Variants in FCHSD2 observed in about 807,000 individuals in gnomAD.
FCHSD2 encodes F-BAR and double SH3 domains protein 2.
Under a neutral mutation model 108.1 loss-of-function variants are expected in FCHSD2, and 38 were observed. That is an observed-to-expected ratio of 0.35 (90% confidence interval 0.27 to 0.46). The LOEUF (loss-of-function observed/expected upper bound fraction) is 0.46. FCHSD2 is among the 20% of genes least tolerant of loss of function. The probability of loss-of-function intolerance (pLI) is 1.00; values close to 1 mark genes in which losing one functional copy is unlikely to be tolerated. For synonymous variants in FCHSD2, 279 were observed against 314.7 expected (o/e 0.89, Z 1.20); for missense variants, 751 against 897.8 (o/e 0.84, Z 2.09).
At chr11:72,984,591 T>G (rs1402131060) in intron 7 of FCHSD2, among the ~76,000 whole-genome samples, 1 of 152,212 alleles carries the variant, frequency 6.6e-6, no homozygotes, top group Non-Finnish European at 1.5e-5. Flanking sequence ...TCAGCACTCC[T>G]AATGTGCCAG....
chr11:73,078,632 C>T (rs139024112), intron 3 of FCHSD2, among the ~76,000 whole-genome samples: 289 of 144,208 alleles, frequency 2.0e-3, no homozygotes, highest in African/African-American at 6.9e-3. Context: ...AACAACTATT[C>T]TGATAAAAAA....
chr11:73,103,857 G>A (rs975583346), intron 2 of FCHSD2, among the ~76,000 whole-genome samples: 3 of 152,168 alleles, frequency 2.0e-5, no homozygotes, highest in Admixed American at 1.3e-4. Flanking sequence ...AAAGTCCCAT[G>A]AACCAAGCAA....
chr11:73,026,530 A>G (rs1307645200), intron 3 of FCHSD2, among the ~76,000 whole-genome samples: 1 of 152,230 alleles, frequency 6.6e-6, no homozygotes, highest in Non-Finnish European at 1.5e-5. Context: ...AATAATGTAG[A>G]ATATATAAAA....
chr11:72,968,808 A>G (rs1466387538), intron 8 of FCHSD2, among the ~76,000 whole-genome samples: 1 of 152,180 alleles, frequency 6.6e-6, no homozygotes, highest in African/African-American at 2.4e-5. Context: ...GCTTCTGTGT[A>G]CCCAAGGTTC....
chr11:72,986,010 G>A (rs754699152), intron 6 of FCHSD2, among the ~76,000 whole-genome samples: 18 of 152,150 alleles, frequency 1.2e-4, no homozygotes, highest in African/African-American at 1.7e-4. Flanking sequence ...GCCAGTTTGG[G>A]ACTGGATGAT....
At chr11:73,023,215 C>A (rs1858149304) in intron 3 of FCHSD2, among the ~76,000 whole-genome samples, 1 of 152,030 alleles carries the variant, frequency 6.6e-6, no homozygotes, top group Admixed American at 6.6e-5. Context: ...GAATTAAACT[C>A]TTTCTTCTGG....
intron 8 of FCHSD2, among the ~76,000 whole-genome samples, chr11:72,957,775 T>G (rs1041892332): frequency 6.6e-6 from 1 of 151,938 alleles, no homozygotes; most frequent in African/African-American, 2.4e-5. Flanking sequence ...TGCTCTCAAA[T>G]GGATCAGAAA....
chr11:72,878,102 G>T (rs1309139922), intron 12 of FCHSD2, among the ~76,000 whole-genome samples: 1 of 151,876 alleles, frequency 6.6e-6, no homozygotes. Context: ...TAAAATCAAA[G>T]AAATCAAATA....
At chr11:72,943,487 A>G (rs1393360928) in intron 8 of FCHSD2, among the ~76,000 whole-genome samples, 1 of 152,222 alleles carries the variant, frequency 6.6e-6, no homozygotes, top group Non-Finnish European at 1.5e-5. Flanking sequence ...TTATGGGAAA[A>G]CAGTAAATGT....
chr11:72,896,417 G>A lies in FCHSD2; in HGVS notation c.924+6126C>T, dbSNP rs1855418664. On this transcript the variant is annotated intron_variant, in intron 10 of 19. Transcript: ENST00000409418. Reference sequence around the variant, plus strand: ...CAGCTTCGCTTTGTCCTTTTTCACAGGATGTGAGAAAATGCCCCTAATGGC... The same window carrying A: ...CAGCTTCGCTTTGTCCTTTTTCACAAGATGTGAGAAAATGCCCCTAATGGC... 3.9e-5 allele frequency among the ~76,000 whole-genome samples: 6 copies of A among 152,168 alleles called. No individual in the cohort carries two copies. The South Asian group carries it at 1.0e-3, about 26-fold the overall frequency.
chr11:73,054,663 A>T (rs1196567068), intron 3 of FCHSD2, among the ~76,000 whole-genome samples: 1 of 151,864 alleles, frequency 6.6e-6, no homozygotes, highest in East Asian at 1.9e-4. Flanking sequence ...AAAGAGAGAA[A>T]GGACCTTTTC....
intron 2 of FCHSD2, among the ~76,000 whole-genome samples, chr11:73,096,736 C>T (rs911661909): frequency 6.6e-6 from 1 of 151,798 alleles, no homozygotes; most frequent in African/African-American, 2.4e-5. Flanking sequence ...GTCATATGTG[C>T]CCTTTAACAT....
chr11:72,980,097 T>C (rs1857184109), intron 8 of FCHSD2, among the ~76,000 whole-genome samples: 1 of 152,194 alleles, frequency 6.6e-6, no homozygotes, highest in African/African-American at 2.4e-5. Context: ...TCAACACAGA[T>C]GAAGTGGACA....
At chr11:72,999,701 G>A (rs1292741524) in intron 5 of FCHSD2, among the ~76,000 whole-genome samples, 1 of 152,108 alleles carries the variant, frequency 6.6e-6, no homozygotes, top group Non-Finnish European at 1.5e-5. Flanking sequence ...AAGCACCAGA[G>A]GTAGTTAAAC....
chr11:73,022,386 C>T (rs1378279657), intron 3 of FCHSD2, among the ~76,000 whole-genome samples: 1 of 152,108 alleles, frequency 6.6e-6, no homozygotes, highest in Non-Finnish European at 1.5e-5. Context: ...ACCAAAAAAC[C>T]TCATGGAACT....
chr11:73,044,220 T>C (rs953318226), intron 3 of FCHSD2, among the ~76,000 whole-genome samples: 2 of 152,144 alleles, frequency 1.3e-5, no homozygotes, highest in Admixed American at 6.5e-5. Context: ...ACTGTAAAAT[T>C]CTATGATTAT....
chr11:72,933,261 C>T (rs1272187948), intron 8 of FCHSD2, among the ~76,000 whole-genome samples: 1 of 152,106 alleles, frequency 6.6e-6, no homozygotes, highest in Non-Finnish European at 1.5e-5. Context: ...AAAGATTAAT[C>T]CAAAAATGGC....
intron 5 of FCHSD2, among the ~76,000 whole-genome samples, chr11:73,000,631 A>AC (rs767923681): frequency 2.0e-5 from 3 of 152,296 alleles, no homozygotes; most frequent in Admixed American, 6.5e-5. Context: ...ATTAATGTAA[A>AC]CTTTTTTCAA....
chr11:72,843,544 G>T lies in FCHSD2; in HGVS notation c.1444-12C>A. On this transcript the variant is annotated splice_polypyrimidine_tract_variant and intron_variant, in intron 14 of 19. Transcript: ENST00000409418. ...TCTGGTTGAGAAGCCTGCAGTGTAG[G>T]ATGGTCATGGACAAAATTAAAAAGG... 2 of 1,601,708 alleles carry T rather than the reference G, an allele frequency of 1.2e-6. No individual in the cohort carries two copies. Among genetic ancestry groups the T allele is most frequent in the East Asian group, 2.2e-5 (1 of 44,814 alleles).
Sources: allele counts gnomAD v4.1 joint callset (sites outside exome capture counted in the v4.1 genomes callset), GRCh38; gene constraint gnomAD v4.1.1; transcripts MANE v1.5; gene names NCBI Gene and HGNC (gene_info 2026-07-23, HGNC 2026-07-21).